RNF19B: variants seen among roughly 807,000 people sequenced by gnomAD.
RNF19B encodes E3 ubiquitin-protein ligase RNF19B.
In RNF19B, 23 loss-of-function variants were observed where a neutral mutation model predicts 65.5. The ratio of observed to expected loss-of-function variants is 0.35; its 90% CI spans 0.25 to 0.50. The LOEUF (loss-of-function observed/expected upper bound fraction) is 0.50, where lower values mean the gene tolerates loss of function less well. Ranked by LOEUF, RNF19B falls within the 20% of genes least tolerant of loss-of-function variation. RNF19B has a pLI of 0.98. For synonymous variants in RNF19B, 372 were observed against 379.6 expected (o/e 0.98, Z 0.23); for missense variants, 794 against 980.0 (o/e 0.81, Z 2.53).
chr1:32,964,690 G>T lies in RNF19B; in HGVS notation c.-5C>A. ...GGAGTCCTTCTCGGAGCCCATGGCC[G>T]GCAGAGGCCGAGGAGCCAGGGGCGC... is the stretch of plus-strand genomic sequence containing the variant. On this transcript the variant is annotated 5_prime_UTR_variant, in exon 1 of 9. Transcript: ENST00000235150. This position sits in a 1 kb window ranked among gnomAD's most constrained non-coding sequence, Gnocchi z 6.5. The T allele has an allele frequency of 6.9e-7, 1 of 1,458,574 alleles. No individual in the cohort carries two copies. Among genetic ancestry groups the T allele is most frequent in the Non-Finnish European group, 9.0e-7 (1 of 1,109,306 alleles). 90.4% of individuals were successfully genotyped at this position (1,458,574 alleles called of 1,614,324 possible).
chr1:32,942,886 C>CTG (rs1642271712), intron 6 of RNF19B, among the ~76,000 whole-genome samples: 1 of 151,792 alleles, frequency 6.6e-6, no homozygotes, highest in African/African-American at 2.4e-5. Context: ...CACGCCTGTA[C>CTG]TTCCAGCACT....
At position 32,947,539 on chromosome 1, in the gene RNF19B, A is replaced by G. The variant is rs980347916; in HGVS notation, c.983+683T>C. ...CTGGGCATGGTGGCAGGTGCCTGTA[A>G]TCCCAGCTACTTAGGAGGCTGAGGC... is the stretch of plus-strand genomic sequence containing the variant. On this transcript the variant is annotated intron_variant, in intron 3 of 8. Coordinates refer to ENST00000235150, the MANE Select transcript of RNF19B (RefSeq NM_001300826.2). Among the ~76,000 whole-genome samples, 27 of 151,992 alleles carry G rather than the reference A, an allele frequency of 1.8e-4. 1 individual carries two copies. The highest frequency in any genetic ancestry group is 6.5e-4 in the African/African-American group (27 of 41,384).
chr1:32,956,956 C>T (rs1642653280), intron 1 of RNF19B, among the ~76,000 whole-genome samples: 3 of 152,082 alleles, frequency 2.0e-5, no homozygotes, highest in Admixed American at 2.0e-4. Context: ...TTTTTCCTGC[C>T]CTATTTAAGA....
At chr1:32,960,406 T>C (rs1642741770) in intron 1 of RNF19B, among the ~76,000 whole-genome samples, 1 of 152,160 alleles carries the variant, frequency 6.6e-6, no homozygotes, top group African/African-American at 2.4e-5. Context: ...AACTGGGACT[T>C]GGACTTCTCT....
downstream of RNF19B, among the ~76,000 whole-genome samples, chr1:32,931,910 T>C (rs1433732137): frequency 1.3e-5 from 2 of 152,110 alleles, no homozygotes; most frequent in African/African-American, 4.8e-5. Context: ...CAGTTTATCA[T>C]TTTCCAATGG....
In RNF19B at chr1:32,964,752, G is replaced by T. The variant is rs1308951017; in HGVS notation, c.-67C>A. 5 of 1,293,704 alleles carry T rather than the reference G, an allele frequency of 3.9e-6. No homozygotes were observed. The highest frequency in any genetic ancestry group is 4.4e-5 in the Admixed American group (1 of 22,828). 80.1% of individuals were successfully genotyped at this position (1,293,704 alleles called of 1,614,324 possible). On this transcript the variant is annotated 5_prime_UTR_variant, in exon 1 of 9. It adds an upstream start codon to the 5' untranslated region. Transcript: ENST00000235150. The surrounding 1 kb of genome is among the most constrained non-coding windows in gnomAD (Gnocchi z 6.5). ...ACAGCTCCCGCCTCAGCGCCCCTCA[G>T]CCAGCGCCCGGCCGCCGCCGACGCC...
rs1422907530 is a variant in RNF19B at position 32,953,662 on chromosome 1, C to A, written c.636-3888G>T. The stretch of plus-strand genomic sequence containing the variant: ...CCTGTAGGAGTTCTGGGCAAATTTA[C>A]CCCACCTAGCTGCAAAATAACTACT... On this transcript the variant is annotated intron_variant, in intron 1 of 8. Transcript: ENST00000235150. Among the ~76,000 whole-genome samples, 5 of 151,936 alleles carry A rather than the reference C, an allele frequency of 3.3e-5. No homozygotes were observed. The East Asian group carries it at 9.6e-4, about 29-fold the overall frequency.
In RNF19B at chr1:32,936,933, T is replaced by C; in HGVS notation, c.2069A>G (p.His690Arg). 6.2e-7 allele frequency: 1 copy of C among 1,613,916 alleles called. No individual in the cohort carries two copies. Among genetic ancestry groups the C allele is most frequent in the Non-Finnish European group, 8.5e-7 (1 of 1,179,962 alleles). ...GGGGGTCGAGGGGCAGGCTGCAGTA[T>C]GGGAGCGGGGGGAGCCACACTCATC... ...TSDECGSPRSHTAACPSTPRA... is the reference protein window; with the variant it reads ...TSDECGSPRSRTAACPSTPRA... The change falls in exon 9 of 9, where the codon CAT becomes CGT. Residue 690 changes from histidine (H) to arginine (R), a missense_variant. Transcript: ENST00000235150.
chr1:32,964,762 G>GGCCGCCGCCGACGCC lies in RNF19B; in HGVS notation c.-92_-78dup, dbSNP rs1642869741. 1.6e-6 allele frequency: 2 copies of GGCCGCCGCCGACGCC among 1,259,298 alleles called. No homozygotes were observed. Among genetic ancestry groups the GGCCGCCGCCGACGCC allele is most frequent in the South Asian group, 2.0e-5 (1 of 49,818 alleles). 78.0% of individuals were successfully genotyped at this position (1,259,298 alleles called of 1,614,324 possible). ...CCTCAGCGCCCCTCAGCCAGCGCCCGGCCGCCGCCGACGCCGCCACCACCG... is the reference window on the plus strand; with the variant it reads ...CCTCAGCGCCCCTCAGCCAGCGCCCGGCCGCCGCCGACGCCGCCGCCGCCGACGCCGCCACCACCG... On this transcript the variant is annotated 5_prime_UTR_variant, in exon 1 of 9. Coordinates refer to ENST00000235150, the MANE Select transcript of RNF19B (RefSeq NM_001300826.2). This position sits in a 1 kb window ranked among gnomAD's most constrained non-coding sequence, Gnocchi z 6.5.
intron 8 of RNF19B, among the ~76,000 whole-genome samples, chr1:32,937,742 G>C (rs1642138829): frequency 1.3e-5 from 2 of 151,936 alleles, no homozygotes; most frequent in South Asian, 4.2e-4. Flanking sequence ...ATGAGATGGA[G>C]AAGAGTAATT....
chr1:32,959,294 A>T (rs1260119188), intron 1 of RNF19B, among the ~76,000 whole-genome samples: 2 of 152,186 alleles, frequency 1.3e-5, no homozygotes, highest in Non-Finnish European at 2.9e-5. Flanking sequence ...ATCCCTTCTT[A>T]TTCATCTGTA....
chr1:32,945,402 T>G, intron 5 of RNF19B, 112 bp downstream of exon 5: 2 of 642,680 alleles, frequency 3.1e-6, no homozygotes, highest in Non-Finnish European at 5.7e-6. Context: ...GAATTTACTA[T>G]CAAGGTGGGT....
intron 1 of RNF19B, among the ~76,000 whole-genome samples, chr1:32,952,429 TAAAAAAAAAAAA>T (rs375150376): frequency 4.1e-4 from 30 of 73,998 alleles, no homozygotes; most frequent in African/African-American, 8.5e-4. Flanking sequence ...CCTTTTCTCT[TAAAAAAAAAAAA>T]AAAAAAAAAA....
intron 1 of RNF19B, among the ~76,000 whole-genome samples, chr1:32,960,469 T>G (rs2124188988): frequency 6.6e-6 from 1 of 152,162 alleles, no homozygotes; most frequent in African/African-American, 2.4e-5. Flanking sequence ...AACGATTTGT[T>G]TAAAAAAATA....
chr1:32,933,905 A>G (rs775554828), downstream of RNF19B, among the ~76,000 whole-genome samples: 2 of 152,194 alleles, frequency 1.3e-5, no homozygotes, highest in African/African-American at 2.4e-5. Context: ...TGGAACCCAG[A>G]TAAGAAATAT....
chr1:32,933,997 G>T (rs1185934838), downstream of RNF19B, among the ~76,000 whole-genome samples: 1 of 152,228 alleles, frequency 6.6e-6, no homozygotes, highest in Non-Finnish European at 1.5e-5. Context: ...GAGGCTTCAA[G>T]AGAATTCCAA....
At position 32,948,283 on chromosome 1, in the gene RNF19B, C is replaced by T. The variant is rs755697335; in HGVS notation, c.922G>A (p.Val308Met). 24 of 1,614,010 alleles carry T rather than the reference C, an allele frequency of 1.5e-5. No homozygotes were observed. Among genetic ancestry groups the T allele is most frequent in the Non-Finnish European group, 2.0e-5 (24 of 1,179,988 alleles). Reference sequence around the variant, plus strand: ...AGCCAACAGAATTCACAGCCACACACTGCACAGGTCATGTGATTACAGCTT... The same window carrying T: ...AGCCAACAGAATTCACAGCCACACATTGCACAGGTCATGTGATTACAGCTT... ...DGSCNHMTCAVCGCEFCWLCM... is the reference protein window; with the variant it reads ...DGSCNHMTCAMCGCEFCWLCM... The change falls in exon 3 of 9, where the codon GTG becomes ATG. Residue 308 changes from valine to methionine, a missense_variant. Coordinates refer to ENST00000235150, the MANE Select transcript of RNF19B (RefSeq NM_001300826.2).
intron 1 of RNF19B, among the ~76,000 whole-genome samples, chr1:32,951,832 A>G (rs997792941): frequency 2.0e-5 from 3 of 150,506 alleles, no homozygotes; most frequent in Non-Finnish European, 2.9e-5. Flanking sequence ...GAGTCTCACT[A>G]TATCGCCCAG....
chr1:32,943,982 C>A (rs770442656), intron 6 of RNF19B, 37 bp downstream of exon 6: 2 of 1,579,254 alleles, frequency 1.3e-6, no homozygotes, highest in South Asian at 2.3e-5. Context: ...TCTTGTATAT[C>A]ATAAATTCAA....
Sources: allele counts gnomAD v4.1 joint callset (sites outside exome capture counted in the v4.1 genomes callset), GRCh38; gene constraint gnomAD v4.1.1; non-coding constraint Gnocchi (gnomAD v3.1); transcripts MANE v1.5; gene names NCBI Gene and HGNC (gene_info 2026-07-23, HGNC 2026-07-21).